Variants in RPS6KC1 observed in about 807,000 individuals in gnomAD.
RPS6KC1 encodes inactive ribosomal protein S6 kinase delta-1.
In RPS6KC1, 54 loss-of-function variants were observed where a neutral mutation model predicts 103.8. That is an observed-to-expected ratio of 0.52 (90% CI 0.42 to 0.65). The LOEUF is 0.65. Ranked by LOEUF, RPS6KC1 falls within the 30% of genes least tolerant of loss-of-function variation. The probability of loss-of-function intolerance (pLI) is 0.00; values close to 1 mark genes in which losing one functional copy is unlikely to be tolerated. For synonymous variants in RPS6KC1, 439 were observed against 438.7 expected (o/e 1.00, Z -0.01); for missense variants, 1,151 against 1,253.8 (o/e 0.92, Z 1.24).
At chr1:213,237,152 C>T (rs918125073) in intron 10 of RPS6KC1, among the ~76,000 whole-genome samples, 2 of 151,960 alleles carry the variant, frequency 1.3e-5, no homozygotes, top group African/African-American at 4.8e-5. Flanking sequence ...ACCTTGGACG[C>T]CTTTAGTATA....
the RPS6KC1 span, among the ~76,000 whole-genome samples, chr1:213,552,486 T>C: frequency 6.6e-6 from 1 of 152,202 alleles, no homozygotes. Flanking sequence ...ATCTTCCATA[T>C]CTTATTTTCC....
intron 6 of RPS6KC1, among the ~76,000 whole-genome samples, chr1:213,144,492 G>A (rs574574753): frequency 9.9e-5 from 15 of 151,924 alleles, no homozygotes; most frequent in Admixed American, 2.0e-4. Context: ...TCCTCAAGAA[G>A]TACTCCAGCC....
At chr1:213,757,269 C>G in the RPS6KC1 span, among the ~76,000 whole-genome samples, 1 of 152,176 alleles carries the variant, frequency 6.6e-6, no homozygotes, top group African/African-American at 2.4e-5. Context: ...AAAGCTAGAC[C>G]TCTTGCACCA....
At chr1:213,405,794 C>T in the RPS6KC1 span, among the ~76,000 whole-genome samples, 4 of 152,068 alleles carry the variant, frequency 2.6e-5, no homozygotes, top group Non-Finnish European at 2.9e-5. Context: ...TGTATAAGAG[C>T]GTGTATCCAG....
chr1:213,760,965 TA>T, the RPS6KC1 span, among the ~76,000 whole-genome samples: 1 of 143,114 alleles, frequency 7.0e-6, no homozygotes. Flanking sequence ...ATTTTTTTTT[TA>T]AGGCTCCAAC....
the RPS6KC1 span, among the ~76,000 whole-genome samples, chr1:213,404,830 A>G: frequency 1.3e-5 from 2 of 152,224 alleles, no homozygotes; most frequent in Non-Finnish European, 2.9e-5. Context: ...ACTAATGGAA[A>G]ACAAATGCTG....
At chr1:213,744,103 T>C in the RPS6KC1 span, among the ~76,000 whole-genome samples, 6 of 151,996 alleles carry the variant, frequency 3.9e-5, no homozygotes, top group Admixed American at 3.9e-4. Flanking sequence ...ATAAGAATGA[T>C]ATAATGGACT....
At chr1:213,606,477 A>G in the RPS6KC1 span, among the ~76,000 whole-genome samples, 2 of 152,204 alleles carry the variant, frequency 1.3e-5, no homozygotes, top group Non-Finnish European at 2.9e-5. Context: ...CGAGAAAGCC[A>G]TGTGTTTGAA....
chr1:213,477,055 C>T, the RPS6KC1 span, among the ~76,000 whole-genome samples: 13 of 152,118 alleles, frequency 8.5e-5, no homozygotes, highest in Admixed American at 8.5e-4. Context: ...TGAGACCTTC[C>T]CCCTGATGAA....
the RPS6KC1 span, among the ~76,000 whole-genome samples, chr1:213,775,126 A>G: frequency 6.6e-6 from 1 of 152,212 alleles, no homozygotes; most frequent in Admixed American, 6.5e-5. Context: ...CTTTCCTTAA[A>G]TGAAAAGGGC....
chr1:213,349,082 T>G, the RPS6KC1 span, among the ~76,000 whole-genome samples: 46 of 152,342 alleles, frequency 3.0e-4, no homozygotes, highest in Non-Finnish European at 6.2e-4. Flanking sequence ...TAATCATTAC[T>G]CTTTTAAAAA....
At chr1:213,538,033 G>A in the RPS6KC1 span, among the ~76,000 whole-genome samples, 2 of 152,148 alleles carry the variant, frequency 1.3e-5, no homozygotes, top group African/African-American at 4.8e-5. Flanking sequence ...GGGGAAGAGA[G>A]CATGGTCCCA....
At chr1:213,461,530 T>C in the RPS6KC1 span, among the ~76,000 whole-genome samples, 26 of 152,266 alleles carry the variant, frequency 1.7e-4, no homozygotes, top group African/African-American at 5.5e-4. Flanking sequence ...CTTTAAACTA[T>C]ACTACAAGGC....
the RPS6KC1 span, among the ~76,000 whole-genome samples, chr1:213,593,342 T>A: frequency 6.6e-6 from 1 of 151,812 alleles, no homozygotes; most frequent in Non-Finnish European, 1.5e-5. Context: ...GTGTTGAGGG[T>A]GGATTTTCAA....
the RPS6KC1 span, among the ~76,000 whole-genome samples, chr1:213,449,651 A>G: frequency 2.0e-5 from 3 of 152,216 alleles, no homozygotes; most frequent in Non-Finnish European, 4.4e-5. Context: ...GACACAATTC[A>G]GTCTATAACA....
chr1:213,631,294 T>C, the RPS6KC1 span, among the ~76,000 whole-genome samples: 1 of 151,752 alleles, frequency 6.6e-6, no homozygotes, highest in African/African-American at 2.4e-5. Context: ...ACCCATCTTC[T>C]GTGTCGTTCA....
the RPS6KC1 span, among the ~76,000 whole-genome samples, chr1:213,620,091 G>A: frequency 7.5e-4 from 114 of 152,336 alleles, 2 homozygotes; most frequent in African/African-American, 2.6e-3. Context: ...TCACTGTCCT[G>A]ATGTTCTGTT....
At chr1:213,111,561 T>G (rs1345759340) in intron 4 of RPS6KC1, among the ~76,000 whole-genome samples, 1 of 152,188 alleles carries the variant, frequency 6.6e-6, no homozygotes, top group Admixed American at 6.5e-5. Context: ...GCTAAAACAT[T>G]TTGCATTTTA....
At chr1:213,151,702 A>G (rs1418885107) in intron 6 of RPS6KC1, among the ~76,000 whole-genome samples, 6 of 101,656 alleles carry the variant, frequency 5.9e-5, no homozygotes, top group African/African-American at 2.2e-4. Flanking sequence ...CACCTCCCGG[A>G]CGGGGCGGCT....
Sources: gnomAD v4.1 joint callset for allele counts (sites outside exome capture counted in the v4.1 genomes callset) on GRCh38, gnomAD v4.1.1 for gene constraint, MANE v1.5 for transcripts, NCBI Gene and HGNC (gene_info 2026-07-23, HGNC 2026-07-21) for gene names.